DNAH11: variants seen among roughly 807,000 people sequenced by gnomAD.
DNAH11 encodes axonemal beta dynein heavy chain 11.
In DNAH11, 442 loss-of-function variants were observed where a neutral mutation model predicts 526.0. The observed-to-expected ratio is 0.84, with a 90% CI of 0.78 to 0.91. The LOEUF (loss-of-function observed/expected upper bound fraction) is 0.91. Ranked by LOEUF, DNAH11 falls within the 40% of genes least tolerant of loss-of-function variation. DNAH11 has a pLI of 0.00. For missense variants in DNAH11, 6,989 were observed against 5,448.7 expected (o/e 1.28, Z -8.90); for synonymous variants, 2,461 against 1,935.9 (o/e 1.27, Z -7.12).
intron 15 of DNAH11, 98 bp from the exon 16 acceptor site, chr7:21,600,578 T>C: frequency 7.9e-7 from 1 of 1,269,790 alleles, no homozygotes; most frequent in Non-Finnish European, 1.0e-6. Context: ...TTCTAACTAC[T>C]CTCCCTTTGA....
Position 21,698,097 on chromosome 7 carries a change from G to A in DNAH11, c.6064G>A (p.Asp2022Asn). The change falls in exon 36 of 82, where the codon GAC (aspartate) becomes AAC (asparagine). Residue 2022 changes from aspartate to asparagine, a missense_variant. By Grantham distance (23) the Asp-to-Asn change is conservative (BLOSUM62 1). Transcript: ENST00000409508. Reference sequence around the variant, plus strand: ...TAGACCCTGTGCCATGGTGGCCCCTGACATTGAGCTAATCTGTGAAATCTT... The same window carrying A: ...TAGACCCTGTGCCATGGTGGCCCCTAACATTGAGCTAATCTGTGAAATCTT... ...LFRPCAMVAP[D>N]IELICEILLV... 1 of 1,612,974 alleles carries A rather than the reference G, an allele frequency of 6.2e-7. No individual in the cohort carries two copies. The highest frequency in any genetic ancestry group is 8.5e-7 in the Non-Finnish European group (1 of 1,179,562).
chr7:21,745,766 A>G (rs951326846), intron 51 of DNAH11, among the ~76,000 whole-genome samples: 2 of 152,246 alleles, frequency 1.3e-5, no homozygotes, highest in Admixed American at 6.5e-5. Context: ...GAAGGAAAAT[A>G]GGTTGATTCT....
chr7:21,862,428 C>T lies in DNAH11; in HGVS notation c.11373+405C>T, dbSNP rs115170927. 8.6e-3 allele frequency among the ~76,000 whole-genome samples: 1,302 copies of T among 152,130 alleles called. 19 individuals are homozygous for T. Among genetic ancestry groups the T allele is most frequent in the African/African-American group, 0.03 (1,228 of 41,490 alleles). On this transcript the variant is annotated intron_variant, in intron 69 of 81. Transcript: ENST00000409508. ...CTCCTTACAAAACAGCGACTGGGTT[C>T]GTCCATGTTGTCAAAAATGACTGAA...
Position 21,716,068 on chromosome 7 carries a change from G to A in DNAH11, c.6984-1707G>A, listed in dbSNP as rs879077355. 5.3e-5 allele frequency among the ~76,000 whole-genome samples: 8 copies of A among 151,682 alleles called. No homozygotes were observed. In the South Asian group the frequency reaches 1.3e-3, roughly 24 times the overall value. On this transcript the variant is annotated intron_variant, in intron 42 of 81. Transcript: ENST00000409508. ...GAAACCGCTATTACCTGCACCCTAA[G>A]TGCAAAGCCCACTTCTTCCTTCTGG...
intron 7 of DNAH11, 99 bp from the exon 8 acceptor site, chr7:21,571,707 T>G: frequency 1.2e-6 from 1 of 807,914 alleles, no homozygotes. Context: ...TGTCATTGAC[T>G]CATTGATTTT....
chr7:21,695,596 A>T (rs1209320786), intron 35 of DNAH11, among the ~76,000 whole-genome samples: 1 of 152,236 alleles, frequency 6.6e-6, no homozygotes, highest in Non-Finnish European at 1.5e-5. Flanking sequence ...TTAACTCAAG[A>T]TGGCTTAAAG....
intron 46 of DNAH11, among the ~76,000 whole-genome samples, chr7:21,736,437 C>T (rs1236387250): frequency 1.3e-5 from 2 of 152,084 alleles, no homozygotes; most frequent in East Asian, 1.9e-4. Context: ...CAGTCAATCT[C>T]CAGCAGGGAA....
At chr7:21,801,092 G>C in intron 61 of DNAH11, 45 bp from the exon 62 acceptor site, 1 of 1,562,254 alleles carries the variant, frequency 6.4e-7, no homozygotes, top group African/African-American at 1.4e-5. Context: ...TAATCTCTCT[G>C]TTTTAACTAA....
At chr7:21,547,800 A>G (rs1347648380) in intron 2 of DNAH11, among the ~76,000 whole-genome samples, 1 of 151,738 alleles carries the variant, frequency 6.6e-6, no homozygotes, top group African/African-American at 2.4e-5. Context: ...CCTCTTTTCT[A>G]TTTACTTTCT....
intron 32 of DNAH11, 27 bp from the exon 33 acceptor site, chr7:21,687,072 G>C: frequency 6.3e-7 from 1 of 1,593,782 alleles, no homozygotes; most frequent in Admixed American, 1.8e-5. Context: ...ATTAGACTGT[G>C]ATGTTTGTGT....
intron 28 of DNAH11, among the ~76,000 whole-genome samples, chr7:21,646,902 A>G (rs1383972791): frequency 6.6e-6 from 1 of 152,234 alleles, no homozygotes; most frequent in African/African-American, 2.4e-5. Context: ...TAAGCAGCGT[A>G]AAGTTCACAA....
chr7:21,686,664 T>C (rs1215503833), intron 32 of DNAH11, among the ~76,000 whole-genome samples: 2 of 118,830 alleles, frequency 1.7e-5, no homozygotes, highest in Admixed American at 8.1e-5. Context: ...ACATATCTCT[T>C]AATGTATTAA....
intron 9 of DNAH11, among the ~76,000 whole-genome samples, chr7:21,587,519 T>C (rs1784514768): frequency 6.6e-6 from 1 of 152,156 alleles, no homozygotes; most frequent in South Asian, 2.1e-4. Flanking sequence ...GTGGAGTGGT[T>C]GTCCTTGTAA....
Position 21,564,215 on chromosome 7 carries a change from T to C in DNAH11, c.1012T>C (p.Tyr338His). The part of the protein sequence containing the change: ...ALLEAQDVEL[Y>H]LRPLRRHIQC... ...TCTCGAAGCCCAAGATGTGGAACTT[T>C]ACCTGAGACCTCTGAGGAGACACAT... The change falls in exon 6 of 82, where the codon TAC becomes CAC. Residue 338 changes from tyrosine to histidine, a missense_variant. Coordinates refer to ENST00000409508, the MANE Select transcript of DNAH11 (RefSeq NM_001277115.2). 6.2e-7 allele frequency: 1 copy of C among 1,605,118 alleles called. No homozygotes were observed. The highest frequency in any genetic ancestry group is 1.1e-5 in the South Asian group (1 of 88,716).
At chr7:21,788,269 A>T (rs1239331875) in intron 60 of DNAH11, among the ~76,000 whole-genome samples, 1 of 152,192 alleles carries the variant, frequency 6.6e-6, no homozygotes, top group East Asian at 1.9e-4. Flanking sequence ...ATTACTGAGA[A>T]AAAGTCAGTG....
intron 54 of DNAH11, among the ~76,000 whole-genome samples, chr7:21,752,566 G>A (rs543993152): frequency 6.6e-6 from 1 of 152,068 alleles, no homozygotes; most frequent in Non-Finnish European, 1.5e-5. Flanking sequence ...GCACATGTTT[G>A]TTTATAGGTC....
intron 28 of DNAH11, among the ~76,000 whole-genome samples, chr7:21,651,928 C>A (rs1420729679): frequency 6.6e-6 from 1 of 152,242 alleles, no homozygotes; most frequent in African/African-American, 2.4e-5. Context: ...CACTGTGCTG[C>A]TTTTACTCAC....
chr7:21,704,549 G>A lies in DNAH11; in HGVS notation c.6389G>A (p.Arg2130Lys). The A allele has an allele frequency of 6.2e-7, 1 of 1,613,840 alleles. No homozygotes were observed. Among genetic ancestry groups the A allele is most frequent in the Non-Finnish European group, 8.5e-7 (1 of 1,179,818 alleles). ...LFPALDVPRR[R>K]KLHFEQMVRQ... ...CCAGCCCTGGATGTGCCCCGGAGGA[G>A]GAAGCTGCACTTTGAACAGATGGTC... is the stretch of plus-strand genomic sequence containing the variant. The change falls in exon 38 of 82, where the codon AGG (arginine) becomes AAG (lysine). Residue 2130 changes from arginine to lysine, a missense_variant. Transcript: ENST00000409508.
intron 43 of DNAH11, among the ~76,000 whole-genome samples, chr7:21,719,181 C>T (rs1384106402): frequency 6.6e-6 from 1 of 152,112 alleles, no homozygotes; most frequent in Non-Finnish European, 1.5e-5. Context: ...TAATTTTTAG[C>T]TCCTTTTAAG....
Sources: allele counts gnomAD v4.1 joint callset (sites outside exome capture counted in the v4.1 genomes callset), GRCh38; gene constraint gnomAD v4.1.1; transcripts MANE v1.5; gene names NCBI Gene and HGNC (gene_info 2026-07-23, HGNC 2026-07-21).